The following ETV6 variants were observed in gnomAD, a reference collection of about 807,000 sequenced individuals.
ETV6 encodes transcription factor ETV6.
ETV6 carries 16 observed loss-of-function variants against 51.1 expected under a neutral mutation model. The ratio of observed to expected loss-of-function variants is 0.31; its 90% confidence interval spans 0.21 to 0.48. ETV6 has a LOEUF of 0.48. Among genes scored for constraint, ETV6 ranks in the 20% least tolerant of loss-of-function variants. The pLI is 0.99. For synonymous variants in ETV6, 240 were observed against 224.1 expected, an observed-to-expected ratio of 1.07 and a Z score of -0.64; for missense variants, 458 against 594.8, an observed-to-expected ratio of 0.77 and a Z score of 2.39.
chr12:11,747,694 G>A (rs142372541), intron 1 of ETV6, among the ~76,000 whole-genome samples: 147 of 152,200 alleles, frequency 9.7e-4, no homozygotes, highest in African/African-American at 3.4e-3. Flanking sequence ...AAAAAATGTC[G>A]ACTTTCAAGA....
rs1001874071 is a variant in ETV6, at chr12:11,852,279, G to A, written c.329-1148G>A. Among the ~76,000 whole-genome samples, 5 of 152,282 alleles carry A rather than the reference G, an allele frequency of 3.3e-5. No homozygotes were observed. The South Asian group carries it at 1.0e-3, about 32-fold the overall frequency. On this transcript the variant is annotated intron_variant, in intron 3 of 7. Transcript: ENST00000396373. ...AATATATCAGAACAGAAAGGCACCT[G>A]CTCAACCCAGCCCCTGCCATCCTCT...
At chr12:11,740,849 G>A (rs1299564965) in intron 1 of ETV6, among the ~76,000 whole-genome samples, 1 of 152,178 alleles carries the variant, frequency 6.6e-6, no homozygotes, top group African/African-American at 2.4e-5. Context: ...TCTAGAGAAA[G>A]AAGACAACAT....
At chr12:11,828,928 C>T (rs1346519388) in intron 2 of ETV6, among the ~76,000 whole-genome samples, 1 of 152,038 alleles carries the variant, frequency 6.6e-6, no homozygotes, top group African/African-American at 2.4e-5. Flanking sequence ...TAAAGGTACC[C>T]CTTAAATTTT....
At chr12:11,664,744 G>A (rs1206345092) in intron 1 of ETV6, among the ~76,000 whole-genome samples, 2 of 152,186 alleles carry the variant, frequency 1.3e-5, no homozygotes, top group African/African-American at 2.4e-5. Context: ...GCAGTCTGGT[G>A]CATACTCGTC....
Position 11,853,582 on chromosome 12 carries a change from T to C in ETV6, c.463+21T>C, listed in dbSNP as rs1372963916. 3 of 1,613,322 alleles carry C rather than the reference T, an allele frequency of 1.9e-6. No individual in the cohort carries two copies. In the African/African-American group the frequency reaches 4.0e-5, roughly 22 times the overall value. Reference sequence around the variant, plus strand: ...AGAAGGTACTGGAAGAGGTTTCTCTTTTCTTGCCTGAGGTTTAGACAAATC... The same window carrying C: ...AGAAGGTACTGGAAGAGGTTTCTCTCTTCTTGCCTGAGGTTTAGACAAATC... On this transcript the variant is annotated intron_variant, in intron 4 of 7. Transcript: ENST00000396373.
At chr12:11,828,490 T>C (rs529746849) in intron 2 of ETV6, among the ~76,000 whole-genome samples, 1 of 152,320 alleles carries the variant, frequency 6.6e-6, no homozygotes, top group African/African-American at 2.4e-5. Context: ...CATATATCTC[T>C]CTTAAACCTG....
intron 2 of ETV6, among the ~76,000 whole-genome samples, chr12:11,793,266 T>A (rs1377501267): frequency 6.6e-6 from 1 of 152,204 alleles, no homozygotes; most frequent in Non-Finnish European, 1.5e-5. Flanking sequence ...TTGAGAAGTT[T>A]CTGTTATTAC....
intron 1 of ETV6, among the ~76,000 whole-genome samples, chr12:11,705,230 T>C (rs1230829729): frequency 6.6e-6 from 1 of 152,122 alleles, no homozygotes; most frequent in Non-Finnish European, 1.5e-5. Context: ...GGAGATGAAG[T>C]GGGCCGGTGC....
At chr12:11,858,091 A>G (rs937748367) in intron 4 of ETV6, among the ~76,000 whole-genome samples, 1 of 152,200 alleles carries the variant, frequency 6.6e-6, no homozygotes, top group African/African-American at 2.4e-5. Flanking sequence ...AGTGGCAGCA[A>G]GAGTAGCGTC....
chr12:11,777,337 T>C (rs922724305), intron 2 of ETV6, among the ~76,000 whole-genome samples: 13 of 151,866 alleles, frequency 8.6e-5, no homozygotes, highest in Non-Finnish European at 8.8e-5. Context: ...GTCATCTCAA[T>C]TGTTTTTAAT....
intron 2 of ETV6, among the ~76,000 whole-genome samples, chr12:11,791,834 T>G (rs1945599275): frequency 6.6e-6 from 1 of 152,178 alleles, no homozygotes; most frequent in Non-Finnish European, 1.5e-5. Flanking sequence ...CAAACCCAGC[T>G]GCACAACAGA....
chr12:11,730,717 A>C (rs928399760), intron 1 of ETV6, among the ~76,000 whole-genome samples: 1 of 152,112 alleles, frequency 6.6e-6, no homozygotes, highest in Non-Finnish European at 1.5e-5. Context: ...GCTGGGTTTG[A>C]TTTTCCTCTT....
intron 1 of ETV6, among the ~76,000 whole-genome samples, chr12:11,734,516 CAAAAAAAAAAAAG>C (rs1865665229): frequency 1.5e-5 from 1 of 68,532 alleles, no homozygotes; most frequent in African/African-American, 4.8e-5. Flanking sequence ...CTGAGATGAG[CAAAAAAAAAAAAG>C]AAAAAAAAAA....
At chr12:11,691,848 G>C (rs1327548831) in intron 1 of ETV6, among the ~76,000 whole-genome samples, 1 of 152,228 alleles carries the variant, frequency 6.6e-6, no homozygotes, top group Non-Finnish European at 1.5e-5. Flanking sequence ...GTGCAAAAGA[G>C]AGTCCTTTGT....
chr12:11,811,917 G>A (rs1296411923), intron 2 of ETV6, among the ~76,000 whole-genome samples: 1 of 152,198 alleles, frequency 6.6e-6, no homozygotes, highest in Non-Finnish European at 1.5e-5. Context: ...GAAGGGAAAA[G>A]GGCAGAGAAC....
chr12:11,836,441 G>A (rs1946316510), intron 2 of ETV6, among the ~76,000 whole-genome samples: 1 of 152,118 alleles, frequency 6.6e-6, no homozygotes, highest in African/African-American at 2.4e-5. Context: ...GTAACTTGCT[G>A]GGTTCCTCTT....
At chr12:11,828,723 CT>C (rs773851388) in intron 2 of ETV6, among the ~76,000 whole-genome samples, 14 of 152,136 alleles carry the variant, frequency 9.2e-5, no homozygotes, top group South Asian at 2.1e-4. Context: ...CCTGTACCTT[CT>C]TCCTAACGCT....
intron 5 of ETV6, among the ~76,000 whole-genome samples, chr12:11,876,991 C>A (rs1565563920): frequency 6.6e-6 from 1 of 152,176 alleles, no homozygotes; most frequent in African/African-American, 2.4e-5. Context: ...TTAACAGAAA[C>A]AAAAAGATTC....
intron 1 of ETV6, among the ~76,000 whole-genome samples, chr12:11,744,577 G>C (rs1865872864): frequency 6.6e-6 from 1 of 152,224 alleles, no homozygotes; most frequent in Non-Finnish European, 1.5e-5. Context: ...CTGCTGACCT[G>C]CTGTTAGTAG....
Sources: allele counts gnomAD v4.1 joint callset (sites outside exome capture counted in the v4.1 genomes callset), GRCh38; gene constraint gnomAD v4.1.1; transcripts MANE v1.5; gene names NCBI Gene and HGNC (gene_info 2026-07-23, HGNC 2026-07-21).